The following TRIP11 variants were observed in gnomAD, a reference collection of about 807,000 sequenced individuals.
TRIP11 encodes thyroid receptor-interacting protein 11.
A neutral mutation model predicts 223.1 loss-of-function variants in TRIP11; 148 were observed. That is an observed-to-expected ratio of 0.66 (90% confidence interval 0.58 to 0.76). TRIP11 has a LOEUF of 0.76. Ranked by LOEUF, TRIP11 falls within the 30% of genes least tolerant of loss-of-function variation. TRIP11 has a pLI of 0.00. For synonymous variants in TRIP11, 762 were observed against 772.6 expected, an observed-to-expected ratio of 0.99 and a Z score of 0.23; for missense variants, 2,043 against 2,222.0, an observed-to-expected ratio of 0.92 and a Z score of 1.62.
chr14:92,035,275 C>T (rs1052760160), intron 1 of TRIP11, among the ~76,000 whole-genome samples: 3 of 151,498 alleles, frequency 2.0e-5, no homozygotes, highest in Non-Finnish European at 2.9e-5. Flanking sequence ...GAGCCAAGAT[C>T]GTGCCACTGC....
intron 15 of TRIP11, among the ~76,000 whole-genome samples, chr14:91,989,320 G>C (rs1368384378): frequency 6.6e-6 from 1 of 151,978 alleles, no homozygotes; most frequent in Admixed American, 6.6e-5. Flanking sequence ...TGTAAGGTGA[G>C]GGTCTGTTGT....
chr14:92,001,062 T>C (rs376387482), intron 11 of TRIP11, among the ~76,000 whole-genome samples: 10 of 152,198 alleles, frequency 6.6e-5, no homozygotes, highest in Admixed American at 5.2e-4. Context: ...GGTTACACCA[T>C]GTTGGCCAGG....
chr14:91,968,281 C>A lies in TRIP11; in HGVS notation c.*1392G>T. On this transcript the variant is annotated 3_prime_UTR_variant, in exon 21 of 21. Transcript: ENST00000267622. ...AAATATCTTTTTAAATGTACAACTT[C>A]AACAACTAATAAAAATATGAACATC... 4.9e-6 allele frequency: 1 copy of A among 204,262 alleles called. No homozygotes were observed. Among genetic ancestry groups the A allele is most frequent in the Non-Finnish European group, 1.0e-5 (1 of 99,898 alleles). The allele number at this position is 204,262 out of a possible 1,614,324, so 12.7% of individuals were successfully genotyped here. A position where few individuals can be genotyped will look rare whatever the true frequency, so the allele number is the denominator to read the frequency against.
chr14:92,034,006 A>G (rs1196781085), intron 1 of TRIP11, among the ~76,000 whole-genome samples: 1 of 152,196 alleles, frequency 6.6e-6, no homozygotes, highest in Non-Finnish European at 1.5e-5. Context: ...CAGTTACCCA[A>G]GAGACTTTAC....
intron 15 of TRIP11, among the ~76,000 whole-genome samples, chr14:91,990,551 G>C (rs2056658645): frequency 6.6e-6 from 1 of 152,210 alleles, no homozygotes; most frequent in Non-Finnish European, 1.5e-5. Context: ...GTCCCAGCTA[G>C]TCAAAAGGCT....
Position 92,014,283 on chromosome 14 carries a change from T to G in TRIP11, c.1118A>C (p.Glu373Ala). The G allele has an allele frequency of 1.2e-6, 2 of 1,614,078 alleles. No individual in the cohort carries two copies. The highest frequency in any genetic ancestry group is 1.7e-6 in the Non-Finnish European group (2 of 1,179,996). Residue 373 changes from glutamate to alanine, a missense_variant, in exon 7 of 21, where the codon GAA (glutamate) becomes GCA (alanine). Coordinates refer to ENST00000267622, the MANE Select transcript of TRIP11 (RefSeq NM_004239.4). ...SAVKQSDTMT[E>A]KERILAQSAS... is the part of the protein sequence containing the mutation. The stretch of plus-strand genomic sequence containing the variant: ...ACTCTGGGCAAGAATTCTTTCCTTT[T>G]CTGTCATAGTATCACTTTGCTTCAC...
At chr14:91,985,418 CT>C (rs33912116) in intron 16 of TRIP11, among the ~76,000 whole-genome samples, 78,792 of 151,932 alleles carry the variant, frequency 0.52, 21,591 homozygotes, top group African/African-American at 0.7. Context: ...CATACATACT[CT>C]TAAGAAATGA....
At chr14:91,980,373 C>T (rs751316010) in intron 16 of TRIP11, among the ~76,000 whole-genome samples, 2 of 152,120 alleles carry the variant, frequency 1.3e-5, no homozygotes, top group Non-Finnish European at 1.5e-5. Flanking sequence ...GTCAGATTTA[C>T]TGAACAGTCA....
chr14:91,999,878 A>T, intron 12 of TRIP11, 90 bp downstream of exon 12: 1 of 1,546,440 alleles, frequency 6.5e-7, no homozygotes, highest in Non-Finnish European at 8.9e-7. Flanking sequence ...CCTAACAGAG[A>T]AATTCATTTT....
At chr14:92,009,299 G>A (rs2056943014) in intron 9 of TRIP11, among the ~76,000 whole-genome samples, 1 of 152,166 alleles carries the variant, frequency 6.6e-6, no homozygotes, top group Admixed American at 6.5e-5. Flanking sequence ...CTCCCAAAGT[G>A]CTGAGATTAC....
intron 13 of TRIP11, 62 bp downstream of exon 13, chr14:91,999,178 T>C: frequency 1.3e-6 from 2 of 1,546,494 alleles, no homozygotes; most frequent in Non-Finnish European, 1.8e-6. Flanking sequence ...AAAAAATACT[T>C]ACTGAGTCTG....
At chr14:92,009,603 C>T (rs67185019) in intron 9 of TRIP11, among the ~76,000 whole-genome samples, 44,134 of 151,880 alleles carry the variant, frequency 0.29, 6,642 homozygotes, top group East Asian at 0.34. Context: ...ATTTTTAAAA[C>T]GACTGGGAGA....
In TRIP11 at chr14:92,003,603, A is replaced by G. The variant is rs2056856375; in HGVS notation, c.4373T>C (p.Ile1458Thr). The change falls in exon 11 of 21, where the codon ATT (isoleucine) becomes ACT (threonine). Residue 1458 changes from isoleucine (I) to threonine (T), a missense_variant. Transcript: ENST00000267622. Reference protein sequence around the residue: ...KERILILEMDIGKLKGENEKI... With the variant: ...KERILILEMDTGKLKGENEKI... ...TTCATTTTCTCCTTTTAGTTTGCCA[A>G]TGTCCATCTCTAGAATTAATATTCT... 4 of 1,613,968 alleles carry G rather than the reference A, an allele frequency of 2.5e-6. No homozygotes were observed. The highest frequency in any genetic ancestry group is 1.7e-5 in the Admixed American group (1 of 59,998).
chr14:91,992,943 C>T (rs1480390625), intron 15 of TRIP11, among the ~76,000 whole-genome samples: 5 of 75,794 alleles, frequency 6.6e-5, no homozygotes, highest in Non-Finnish European at 1.4e-4. Flanking sequence ...AAAAAAAAGA[C>T]AAGTTTCTCC....
chr14:91,998,979 C>T (rs2056786051), intron 13 of TRIP11, among the ~76,000 whole-genome samples: 1 of 152,114 alleles, frequency 6.6e-6, no homozygotes, highest in Admixed American at 6.5e-5. Context: ...TGGTAAGAGG[C>T]AGTGATCTAG....
chr14:91,998,707 A>G (rs1331312427), intron 13 of TRIP11, among the ~76,000 whole-genome samples: 1 of 151,840 alleles, frequency 6.6e-6, no homozygotes, highest in Non-Finnish European at 1.5e-5. Flanking sequence ...AAAAAAAACA[A>G]GAAAAAAGTT....
rs1186974113 is a variant in TRIP11 at position 92,004,156 on chromosome 14, A to C, written c.3820T>G (p.Tyr1274Asp). The C allele has an allele frequency of 3.7e-6, 6 of 1,614,196 alleles. No homozygotes were observed. Among genetic ancestry groups the C allele is most frequent in the Admixed American group, 1.7e-5 (1 of 60,028 alleles). Residue 1274 changes from tyrosine (Y) to aspartate (D), a missense_variant, in exon 11 of 21, where the codon TAT becomes GAT. By Grantham distance (160) the Tyr-to-Asp change is radical (BLOSUM62 -3). Transcript: ENST00000267622. ...TTGAGTTTGGTTTCATTCTGCTCAT[A>C]ACTTTGGATCAGGCCAGTATAGTCC... is the stretch of plus-strand genomic sequence containing the variant. ...QVDYTGLIQSYEQNETKLKNF... is the reference protein window; with the variant it reads ...QVDYTGLIQSDEQNETKLKNF...
rs1402010949 is a variant in TRIP11, at chr14:92,037,975, G to C, written c.139+1572C>G. Among the ~76,000 whole-genome samples the C allele has an allele frequency of 6.6e-6, 1 of 152,152 alleles. No individual in the cohort carries two copies. Among genetic ancestry groups the C allele is most frequent in the Non-Finnish European group, 1.5e-5 (1 of 68,026 alleles). On this transcript the variant is annotated intron_variant, in intron 1 of 20. Transcript: ENST00000267622. This position sits in a 1 kb window ranked among gnomAD's most constrained non-coding sequence, Gnocchi z 4.2. ...GACAATACAATAGAAAATGGACTGG[G>C]GTAGGGAGAAATGGGTGACAGGACA... is the stretch of plus-strand genomic sequence containing the variant.
intron 11 of TRIP11, among the ~76,000 whole-genome samples, 188 bp downstream of exon 11, chr14:92,003,231 T>C (rs985928604): frequency 2.0e-5 from 3 of 152,206 alleles, no homozygotes; most frequent in African/African-American, 7.2e-5. Context: ...TGGAAATATC[T>C]AACAATTTGA....
Sources: allele counts gnomAD v4.1 joint callset (sites outside exome capture counted in the v4.1 genomes callset), GRCh38; gene constraint gnomAD v4.1.1; non-coding constraint Gnocchi (gnomAD v3.1); transcripts MANE v1.5; gene names NCBI Gene and HGNC (gene_info 2026-07-23, HGNC 2026-07-21).